The following CUBN variants were observed in gnomAD, a reference collection of about 807,000 sequenced individuals.
CUBN encodes 460 kDa receptor.
CUBN carries 282 observed loss-of-function variants against 405.3 expected under a neutral mutation model. The observed-to-expected ratio is 0.70, with a 90% CI of 0.63 to 0.77. CUBN has a LOEUF of 0.77. CUBN is among the 30% of genes least tolerant of loss of function. The probability of loss-of-function intolerance (pLI) is 0.00; values close to 1 mark genes in which losing one functional copy is unlikely to be tolerated. For missense variants in CUBN, 4,514 were observed against 4,475.2 expected, an observed-to-expected ratio of 1.01 and a Z score of -0.25; for synonymous variants, 1,684 against 1,617.0, an observed-to-expected ratio of 1.04 and a Z score of -0.99.
At position 17,115,585 on chromosome 10, in the gene CUBN, T is replaced by A; in HGVS notation, c.606A>T (p.Pro202=). 6 of 1,614,186 alleles carry A rather than the reference T, an allele frequency of 3.7e-6. No individual in the cohort carries two copies. Among genetic ancestry groups the A allele is most frequent in the Non-Finnish European group, 5.1e-6 (6 of 1,180,022 alleles). ...CACACTGGGGTCCGTACGTCTCAGG[T>A]GGGCAGTGACAACTGTTGGTTACAC... ...NTMGSYSCHC[P]PETYGPQCAS... Residue 202 remains proline, a synonymous_variant, in exon 7 of 67, where the codon CCA becomes CCT. Transcript: ENST00000377833.
chr10:17,041,187 T>C lies in CUBN; in HGVS notation c.3863A>G (p.Tyr1288Cys). ...ATACCCTATACTCTCTAAGATGCCATAGGTTTGATTGACTATTACCACATT... is the reference window on the plus strand; with the variant it reads ...ATACCCTATACTCTCTAAGATGCCACAGGTTTGATTGACTATTACCACATT... ...CENVVIVNQT[Y>C]GILESIGYPN... Residue 1288 changes from tyrosine (Y) to cysteine (C), a missense_variant, in exon 27 of 67, where the codon TAT (tyrosine) becomes TGT (cysteine). Around this residue, in one of 5 missense-constraint regions of CUBN, gnomAD observed 242 missense variants for 309.0 expected, o/e 0.78. Coordinates refer to ENST00000377833, the MANE Select transcript of CUBN (RefSeq NM_001081.4). The C allele has an allele frequency of 1.9e-6, 3 of 1,613,742 alleles. No individual in the cohort carries two copies. The highest frequency in any genetic ancestry group is 1.7e-6 in the Non-Finnish European group (2 of 1,179,714).
Position 16,913,830 on chromosome 10 carries a change from CAGGACGGA to C in CUBN, c.7506_7513del (p.His2502GlnfsTer4). ...ACTTACTATCACATGCTCATTGTTG[CAGGACGGA>C]TGCGTGGCCAGCCTCAGGTTGTTAA... On this transcript the variant is annotated frameshift_variant, in exon 48 of 67. Transcript: ENST00000377833. LOFTEE classifies it high-confidence loss of function. 6.2e-7 allele frequency: 1 copy of C among 1,613,746 alleles called. No individual in the cohort carries two copies. Among genetic ancestry groups the C allele is most frequent in the Non-Finnish European group, 8.5e-7 (1 of 1,180,014 alleles).
chr10:17,091,791 G>T (rs1390369878), intron 14 of CUBN, among the ~76,000 whole-genome samples: 5 of 152,120 alleles, frequency 3.3e-5, no homozygotes, highest in Admixed American at 3.3e-4. Context: ...TTTGGTATAA[G>T]CACCAGTTTA....
intron 22 of CUBN, among the ~76,000 whole-genome samples, chr10:17,065,202 T>G (rs1206028694): frequency 1.3e-5 from 2 of 148,296 alleles, no homozygotes; most frequent in African/African-American, 5.1e-5. Context: ...TTCAGAGTAC[T>G]TTGGAGACAT....
At chr10:16,982,967 C>T (rs1377066107) in intron 30 of CUBN, among the ~76,000 whole-genome samples, 3 of 150,136 alleles carry the variant, frequency 2.0e-5, no homozygotes, top group African/African-American at 7.3e-5. Context: ...TCACTGTCCT[C>T]TAAAAATATA....
intron 28 of CUBN, among the ~76,000 whole-genome samples, chr10:17,003,271 T>C (rs1363195470): frequency 6.6e-6 from 1 of 152,206 alleles, no homozygotes; most frequent in Non-Finnish European, 1.5e-5. Context: ...ACATTATGTC[T>C]ATCACAGCCT....
chr10:17,064,647 C>T (rs1353070332), intron 22 of CUBN, among the ~76,000 whole-genome samples: 2 of 152,128 alleles, frequency 1.3e-5, no homozygotes, highest in Non-Finnish European at 2.9e-5. Flanking sequence ...TAAAAAACAA[C>T]ACATCCTAGG....
Position 16,825,097 on chromosome 10 carries a change from A to T in CUBN, c.10765-15T>A. The T allele has an allele frequency of 6.4e-7, 1 of 1,561,124 alleles. No individual in the cohort carries two copies. Among genetic ancestry groups the T allele is most frequent in the Non-Finnish European group, 8.8e-7 (1 of 1,133,430 alleles). ...ATGCTGGTGTCCTAAAATTGAAAAA[A>T]AAAGTATCCAATTATATATTTCACA... On this transcript the variant is annotated splice_polypyrimidine_tract_variant and intron_variant, in intron 66 of 66. Coordinates refer to ENST00000377833, the MANE Select transcript of CUBN (RefSeq NM_001081.4).
chr10:17,115,947 A>C (rs200685076), intron 6 of CUBN, among the ~76,000 whole-genome samples: 146 of 152,346 alleles, frequency 9.6e-4, no homozygotes, highest in African/African-American at 3.5e-3. Context: ...GAGATCAGCA[A>C]ATCCATTCAT....
chr10:17,026,503 T>C (rs938999639), intron 27 of CUBN, among the ~76,000 whole-genome samples: 8 of 151,810 alleles, frequency 5.3e-5, no homozygotes, highest in South Asian at 2.1e-4. Flanking sequence ...TGTGGTGGCG[T>C]ACGCCTGTAG....
rs763864946 is a variant in CUBN at position 17,100,164 on chromosome 10, C to G, written c.1606G>C (p.Asp536His). The G allele has an allele frequency of 1.2e-6, 2 of 1,613,960 alleles. No homozygotes were observed. Among genetic ancestry groups the G allele is most frequent in the Non-Finnish European group, 8.5e-7 (1 of 1,179,970 alleles). ...NCPHEFLQVY[D>H]GDSSSAFQLG... ...TGAAAAGCAGAAGAGGAATCTCCATCATAAACCTGAAGAAACTCGTGTGGA... is the reference window on the plus strand; with the variant it reads ...TGAAAAGCAGAAGAGGAATCTCCATGATAAACCTGAAGAAACTCGTGTGGA... Residue 536 changes from aspartate (D) to histidine (H), a missense_variant, in exon 14 of 67, where the codon GAT (aspartate) becomes CAT (histidine). Coordinates refer to ENST00000377833, the MANE Select transcript of CUBN (RefSeq NM_001081.4).
At chr10:16,942,718 C>T (rs1272155704) in intron 36 of CUBN, among the ~76,000 whole-genome samples, 2 of 151,228 alleles carry the variant, frequency 1.3e-5, no homozygotes, top group Admixed American at 6.6e-5. Flanking sequence ...AGCAATTTCA[C>T]TTCTAGGTTT....
intron 22 of CUBN, among the ~76,000 whole-genome samples, chr10:17,050,515 G>A (rs144009375): frequency 6.6e-5 from 10 of 152,292 alleles, no homozygotes; most frequent in East Asian, 1.9e-4. Context: ...GAGGAAAGCC[G>A]GGCATCTGAG....
Position 17,041,199 on chromosome 10 carries a change from A to T in CUBN, c.3851T>A (p.Val1284Asp). The T allele has an allele frequency of 1.2e-6, 2 of 1,613,546 alleles. No homozygotes were observed. The highest frequency in any genetic ancestry group is 2.2e-5 in the South Asian group (2 of 91,072). Residue 1284 changes from valine to aspartate, a missense_variant, in exon 27 of 67, where the codon GTC becomes GAC. Around this residue, in one of 5 missense-constraint regions of CUBN, gnomAD observed 242 missense variants for 309.0 expected, o/e 0.78. Transcript: ENST00000377833. Reference sequence around the variant, plus strand: ...CTCTAAGATGCCATAGGTTTGATTGACTATTACCACATTCTCACATGCTGG... The same window carrying T: ...CTCTAAGATGCCATAGGTTTGATTGTCTATTACCACATTCTCACATGCTGG... ...YRQTCENVVIVNQTYGILESI... is the reference protein window; with the variant it reads ...YRQTCENVVIDNQTYGILESI...
chr10:17,073,049 T>G (rs115060845), intron 17 of CUBN, among the ~76,000 whole-genome samples: 1 of 152,190 alleles, frequency 6.6e-6, no homozygotes, highest in Non-Finnish European at 1.5e-5. Context: ...ATAATTCCCA[T>G]GTATAATTTA....
Position 17,085,690 on chromosome 10 carries a change from G to A in CUBN, c.2017C>T (p.Leu673Phe), listed in dbSNP as rs373580471. Residue 673 changes from leucine to phenylalanine, a missense_variant, in exon 16 of 67, where the codon CTC becomes TTC. Physicochemically the swap from Leu to Phe is conservative, Grantham distance 22. This residue lies in a region of CUBN where 1,448 missense variants were observed against 1,388.0 expected (regional missense o/e 1.04). Coordinates refer to ENST00000377833, the MANE Select transcript of CUBN (RefSeq NM_001081.4). ...KFCTTFSVPP[L>F]QTTGPFARIH... ...CTGGCAAAGGGGCCAGTAGTCTGGA[G>A]CGGTGGGACAGAGAAAGTGGTGCAG... The A allele has an allele frequency of 6.2e-6, 10 of 1,613,944 alleles. No homozygotes were observed. The highest frequency in any genetic ancestry group is 1.3e-5 in the African/African-American group (1 of 74,934).
chr10:17,028,400 A>G (rs1044017196), intron 27 of CUBN, among the ~76,000 whole-genome samples: 1 of 152,060 alleles, frequency 6.6e-6, no homozygotes, highest in Admixed American at 6.5e-5. Flanking sequence ...CCCTGAAGAC[A>G]GTGAGATCAG....
At chr10:17,047,683 T>A (rs1008670136) in intron 22 of CUBN, 80 bp from the exon 23 acceptor site, 1 of 1,292,534 alleles carries the variant, frequency 7.7e-7, no homozygotes, top group Non-Finnish European at 1.1e-6. Flanking sequence ...ATGTATTTCA[T>A]TAATTTGTGC....
intron 4 of CUBN, among the ~76,000 whole-genome samples, chr10:17,124,522 G>A (rs763996812): frequency 1.6e-4 from 24 of 151,198 alleles, no homozygotes; most frequent in East Asian, 2.0e-4. Context: ...GCTGCCTCCT[G>A]GGTCCATGCC....
Sources: gnomAD v4.1 joint callset for allele counts (sites outside exome capture counted in the v4.1 genomes callset) on GRCh38, gnomAD v4.1.1 for gene constraint, gnomAD v4.1.1 regional missense constraint, MANE v1.5 for transcripts, NCBI Gene and HGNC (gene_info 2026-07-23, HGNC 2026-07-21) for gene names.